The following ANKRD36 variants were observed in gnomAD, a reference collection of about 807,000 sequenced individuals.
ANKRD36 encodes the protein ankyrin repeat domain-containing protein 36A.
A neutral mutation model predicts 278.1 loss-of-function variants in ANKRD36; 179 were observed. That is an observed-to-expected ratio of 0.64 (90% CI 0.57 to 0.73). The LOEUF (loss-of-function observed/expected upper bound fraction) is 0.73. Among genes scored for constraint, ANKRD36 ranks in the 30% least tolerant of loss-of-function variants. The probability of loss-of-function intolerance (pLI) is 0.00; values close to 1 mark genes in which losing one functional copy is unlikely to be tolerated. For synonymous variants in ANKRD36, 320 were observed against 641.1 expected, an observed-to-expected ratio of 0.50 and a Z score of 7.57; for missense variants, 1,159 against 1,956.7, an observed-to-expected ratio of 0.59 and a Z score of 7.69.
At chr2:97,201,063 C>A (rs1403134737) in intron 46 of ANKRD36, among the ~76,000 whole-genome samples, 16 of 151,876 alleles carry the variant, frequency 1.1e-4, no homozygotes, top group African/African-American at 3.6e-4. Context: ...AGTGAACTCA[C>A]TTCAGATGCA....
At chr2:97,197,885 G>A (rs1453663181) in intron 42 of ANKRD36, among the ~76,000 whole-genome samples, 2 of 151,872 alleles carry the variant, frequency 1.3e-5, no homozygotes, top group African/African-American at 2.4e-5. Flanking sequence ...CCATATCGGG[G>A]TGAGAGATAA....
chr2:97,157,594 G>A (rs1575072953), intron 15 of ANKRD36, among the ~76,000 whole-genome samples: 2 of 134,486 alleles, frequency 1.5e-5, no homozygotes, highest in East Asian at 4.3e-4. Flanking sequence ...GGAAGGAGCG[G>A]AGGTTATACA....
chr2:97,204,746 A>T (rs2062377341), intron 50 of ANKRD36, among the ~76,000 whole-genome samples: 1 of 151,672 alleles, frequency 6.6e-6, no homozygotes, highest in Admixed American at 6.6e-5. Flanking sequence ...GTGTGAAAAG[A>T]GGAAGTCATT....
chr2:97,220,755 A>ATTTTTTT (rs2067293260), intron 66 of ANKRD36, among the ~76,000 whole-genome samples: 2 of 66,904 alleles, frequency 3.0e-5, no homozygotes, highest in Non-Finnish European at 5.2e-5. Context: ...TTTAATTTTT[A>ATTTTTTT]ATTTTCTTTT....
At chr2:97,258,180 G>A (rs1334777720) in intron 75 of ANKRD36, among the ~76,000 whole-genome samples, 1 of 145,126 alleles carries the variant, frequency 6.9e-6, no homozygotes, top group Non-Finnish European at 1.5e-5. Context: ...TTCAATGTAA[G>A]GCTCTTCCTT....
Position 97,208,048 on chromosome 2 carries a change from A to T in ANKRD36, c.3265+42A>T, listed in dbSNP as rs1291856716. ...ATTTAATGTCATGTTCAGTGCAGAT[A>T]GATAAGAAGTTCTCTTCCCTGAATA... On this transcript the variant is annotated intron_variant, in intron 54 of 75. Transcript: ENST00000420699. 1.4e-5 allele frequency: 20 copies of T among 1,467,024 alleles called. 1 individual carries two copies. The highest frequency in any genetic ancestry group is 1.7e-5 in the Non-Finnish European group (19 of 1,091,570). The allele number at this position is 1,467,024 out of a possible 1,614,324, so 90.9% of individuals were successfully genotyped here. A position where few individuals can be genotyped will look rare whatever the true frequency, so the allele number is the denominator to read the frequency against.
At chr2:97,131,180 A>G (rs2040044113) in intron 6 of ANKRD36, among the ~76,000 whole-genome samples, 1 of 151,530 alleles carries the variant, frequency 6.6e-6, no homozygotes, top group Admixed American at 6.6e-5. Context: ...AACCATTTAT[A>G]TATAAGTTTC....
chr2:97,179,976 G>A (rs372097311), intron 24 of ANKRD36, 43 bp downstream of exon 24: 9 of 1,600,766 alleles, frequency 5.6e-6, no homozygotes, highest in Non-Finnish European at 7.6e-6. Context: ...CAATCAAGAT[G>A]GAAGAGAACT....
At chr2:97,185,179 C>G in intron 28 of ANKRD36, 137 bp from the exon 29 acceptor site, 1 of 1,224,304 alleles carries the variant, frequency 8.2e-7, no homozygotes, top group South Asian at 1.4e-5. Flanking sequence ...TGGTCATGTT[C>G]CAGTCCCCAG....
intron 34 of ANKRD36, among the ~76,000 whole-genome samples, chr2:97,190,579 A>G (rs1259686318): frequency 7.2e-5 from 11 of 151,758 alleles, no homozygotes; most frequent in South Asian, 4.2e-4. Flanking sequence ...GTACAATGGT[A>G]TAAATCCTTT....
At chr2:97,178,350 A>G (rs1254181382) in intron 22 of ANKRD36, among the ~76,000 whole-genome samples, 3 of 151,970 alleles carry the variant, frequency 2.0e-5, no homozygotes, top group Non-Finnish European at 4.4e-5. Flanking sequence ...AGGACTATAA[A>G]TCACGCTGCT....
chr2:97,243,084 A>C (rs1369970835), intron 69 of ANKRD36, among the ~76,000 whole-genome samples: 1 of 133,876 alleles, frequency 7.5e-6, no homozygotes, highest in East Asian at 2.7e-4. Flanking sequence ...AAACTCTGTA[A>C]GATATTTGAA....
intron 52 of ANKRD36, 28 bp downstream of exon 52, chr2:97,206,163 T>C: frequency 2.0e-6 from 3 of 1,513,090 alleles, no homozygotes; most frequent in South Asian, 2.5e-5. Flanking sequence ...TTTAATGCCA[T>C]GTTCAGTCGA....
Position 97,194,878 on chromosome 2 carries a change from A to G in ANKRD36, c.2512A>G (p.Ile838Val), listed in dbSNP as rs2059340800. 5 of 1,573,270 alleles carry G rather than the reference A, an allele frequency of 3.2e-6. No homozygotes were observed. Among genetic ancestry groups the G allele is most frequent in the Non-Finnish European group, 2.6e-6 (3 of 1,164,608 alleles). The change falls in exon 40 of 76, where the codon ATA (isoleucine) becomes GTA (valine). Residue 838 changes from isoleucine to valine, a missense_variant. Ile to Val is a conservative substitution (Grantham distance 29). Coordinates refer to ENST00000420699, the MANE Select transcript of ANKRD36 (RefSeq NM_001354587.1). Reference sequence around the variant, plus strand: ...TGATGAGAAGGATTCTTTTTCGAATATAACCAGAGGAAAAAAGGATGGAGA... The same window carrying G: ...TGATGAGAAGGATTCTTTTTCGAATGTAACCAGAGGAAAAAAGGATGGAGA... ...TSDEKDSFSN[I>V]TRGKKDGEIS...
chr2:97,187,494 G>GGGCC, intron 32 of ANKRD36, 93 bp downstream of exon 32: 6 of 95,514 alleles, frequency 6.3e-5, no homozygotes, highest in Non-Finnish European at 1.1e-4. Context: ...GGGTGGGGGG[G>GGGCC]CTCGCCGAAG....
intron 15 of ANKRD36, among the ~76,000 whole-genome samples, chr2:97,157,279 A>G (rs1247845966): frequency 6.7e-6 from 1 of 149,664 alleles, no homozygotes; most frequent in African/African-American, 2.5e-5. Context: ...TGTCGAATAA[A>G]TGCTAACCAG....
intron 15 of ANKRD36, among the ~76,000 whole-genome samples, chr2:97,156,877 C>T (rs1360687201): frequency 2.6e-5 from 4 of 151,588 alleles, no homozygotes; most frequent in African/African-American, 9.7e-5. Flanking sequence ...TCCTCTCCAG[C>T]ACCTGTTGTT....
rs183512662 is a variant in ANKRD36, at chr2:97,194,017, A to G, written c.2450-709A>G. ...ATTTTACTTTGTAGAAGTATGTCAAATGATAATTGATGATATTTTTATTGA... is the reference window on the plus strand; with the variant it reads ...ATTTTACTTTGTAGAAGTATGTCAAGTGATAATTGATGATATTTTTATTGA... On this transcript the variant is annotated intron_variant, in intron 38 of 75. Transcript: ENST00000420699. Among the ~76,000 whole-genome samples, 94 of 151,694 alleles carry G rather than the reference A, an allele frequency of 6.2e-4. 1 individual carries two copies. Among genetic ancestry groups the G allele is most frequent in the South Asian group, 6.3e-4 (3 of 4,774 alleles).
chr2:97,202,750 C>G (rs2061740588), intron 48 of ANKRD36, among the ~76,000 whole-genome samples: 1 of 151,792 alleles, frequency 6.6e-6, no homozygotes. Context: ...TCACATCGTA[C>G]TGCTAAAAAC....
Sources: allele counts gnomAD v4.1 joint callset (sites outside exome capture counted in the v4.1 genomes callset), GRCh38; gene constraint gnomAD v4.1.1; transcripts MANE v1.5; gene names NCBI Gene and HGNC (gene_info 2026-07-23, HGNC 2026-07-21).